ESRRB: variants seen among roughly 807,000 people sequenced by gnomAD.
The protein encoded by ESRRB is steroid hormone receptor ERR2.
In ESRRB, 16 loss-of-function variants were observed where a neutral mutation model predicts 46.0. That is an observed-to-expected ratio of 0.35 (90% CI 0.24 to 0.53). The LOEUF (loss-of-function observed/expected upper bound fraction) is 0.53. ESRRB is among the 20% of genes least tolerant of loss of function. The probability of loss-of-function intolerance (pLI) is 0.93; values close to 1 mark genes in which losing one functional copy is unlikely to be tolerated. For missense variants in ESRRB, 488 were observed against 607.4 expected (o/e 0.80, Z 2.07); for synonymous variants, 246 against 259.6 (o/e 0.95, Z 0.50).
chr14:76,471,236 T>C (rs2140009747), intron 3 of ESRRB, among the ~76,000 whole-genome samples: 1 of 152,352 alleles, frequency 6.6e-6, no homozygotes, highest in East Asian at 1.9e-4. Context: ...GTCATGACCC[T>C]GGTCCAAGGA....
chr14:76,426,540 A>G (rs937085216), intron 1 of ESRRB, among the ~76,000 whole-genome samples: 7 of 152,190 alleles, frequency 4.6e-5, no homozygotes, highest in African/African-American at 1.2e-4. Context: ...TGGAACCACT[A>G]ATTAAATTAA....
chr14:76,350,828 C>T (rs1884304752), intron 1 of ESRRB, among the ~76,000 whole-genome samples: 1 of 152,170 alleles, frequency 6.6e-6, no homozygotes, highest in Non-Finnish European at 1.5e-5. Context: ...GCAGCTTCTC[C>T]CTCTGCCCTG....
At chr14:76,377,175 C>T (rs758348192) in intron 1 of ESRRB, among the ~76,000 whole-genome samples, 32 of 152,336 alleles carry the variant, frequency 2.1e-4, no homozygotes, top group Non-Finnish European at 3.8e-4. Context: ...CTGGGGTTAT[C>T]CGAGCGGCGT....
At chr14:76,349,376 C>T (rs1029589287) in intron 1 of ESRRB, among the ~76,000 whole-genome samples, 5 of 152,186 alleles carry the variant, frequency 3.3e-5, no homozygotes, top group Admixed American at 6.5e-5. Context: ...ACATTCTGTA[C>T]GCAATATCCA....
In ESRRB at chr14:76,456,078, A is replaced by ACACACAC. The variant is rs1566908051; in HGVS notation, c.461-6467_461-6466insCACACAC. ...CACACACACACACACACACACACAC[A>ACACACAC]AAAGAAAGAAAAGAAAAGAATTGTC... On this transcript the variant is annotated intron_variant, in intron 2 of 6. Coordinates refer to ENST00000644823, the MANE Select transcript of ESRRB (RefSeq NM_001379180.1). Among the ~76,000 whole-genome samples, 7 of 141,634 alleles carry ACACACAC rather than the reference A, an allele frequency of 4.9e-5. No individual in the cohort carries two copies. The South Asian group carries it at 6.6e-4, about 13-fold the overall frequency. 92.9% of individuals were successfully genotyped at this position (141,634 alleles called of 152,430 possible). A position where few individuals can be genotyped will look rare whatever the true frequency, so the allele number is the denominator to read the frequency against.
chr14:76,352,990 C>G (rs1352449575), intron 1 of ESRRB, among the ~76,000 whole-genome samples: 1 of 152,222 alleles, frequency 6.6e-6, no homozygotes, highest in Non-Finnish European at 1.5e-5. Flanking sequence ...CTCCTGCGGG[C>G]CGCGCGCAGG....
chr14:76,338,501 G>A (rs1487370165), intron 1 of ESRRB, among the ~76,000 whole-genome samples: 2 of 152,196 alleles, frequency 1.3e-5, no homozygotes, highest in African/African-American at 4.8e-5. Context: ...TAGCCAGATG[G>A]TACATCTCAA....
Position 76,446,501 on chromosome 14 carries a change from G to C in ESRRB, c.460+6751G>C, listed in dbSNP as rs79276156. Among the ~76,000 whole-genome samples the C allele has an allele frequency of 6.1e-4, 93 of 151,814 alleles. 1 individual carries two copies. The East Asian group carries it at 0.017, about 27-fold the overall frequency. On this transcript the variant is annotated intron_variant, in intron 2 of 6. Coordinates refer to ENST00000644823, the MANE Select transcript of ESRRB (RefSeq NM_001379180.1). The stretch of plus-strand genomic sequence containing the variant: ...GAATGGCTCCAAGTCAGAAGAGATA[G>C]ACCTCAACCTGATTGCATTTACTCG...
rs931971941 is a variant in ESRRB at position 76,500,599 on chromosome 14, G to A, written c.*2141G>A. 37 of 1,288,856 alleles carry A rather than the reference G, an allele frequency of 2.9e-5. No individual in the cohort carries two copies. Among genetic ancestry groups the A allele is most frequent in the Admixed American group, 2.7e-4 (16 of 59,588 alleles). The allele number at this position is 1,288,856 out of a possible 1,614,324, so 79.8% of individuals were successfully genotyped here. A position where few individuals can be genotyped will look rare whatever the true frequency, so the allele number is the denominator to read the frequency against. On this transcript the variant is annotated 3_prime_UTR_variant, in exon 7 of 7. Transcript: ENST00000644823. ...TGTGCTGTGTCCTTGCAGCGGGGCC[G>A]AGGTAGCACCCTGCTCTGTCACTTC...
intron 2 of ESRRB, among the ~76,000 whole-genome samples, chr14:76,456,192 T>C (rs1888605931): frequency 6.6e-6 from 1 of 152,200 alleles, no homozygotes; most frequent in Non-Finnish European, 1.5e-5. Context: ...CTTTCTGAGG[T>C]TCTGCAGTGT....
intron 5 of ESRRB, among the ~76,000 whole-genome samples, chr14:76,488,374 G>C (rs1041420557): frequency 1.3e-5 from 2 of 152,076 alleles, no homozygotes; most frequent in African/African-American, 4.8e-5. Context: ...TTGGGAACAG[G>C]CCTCCCGGGT....
intron 3 of ESRRB, among the ~76,000 whole-genome samples, chr14:76,469,524 T>C (rs1316531135): frequency 1.3e-5 from 2 of 152,190 alleles, no homozygotes; most frequent in Non-Finnish European, 2.9e-5. Context: ...CAAAATTAAA[T>C]TTATTTTTTA....
chr14:76,358,419 A>G (rs1884424040), intron 1 of ESRRB, among the ~76,000 whole-genome samples: 1 of 146,508 alleles, frequency 6.8e-6, no homozygotes, highest in African/African-American at 2.5e-5. Context: ...AAGAAAAGAA[A>G]AGAAAAAGAA....
chr14:76,438,561 G>A (rs921633512), intron 1 of ESRRB, among the ~76,000 whole-genome samples: 1 of 152,018 alleles, frequency 6.6e-6, no homozygotes, highest in African/African-American at 2.4e-5. Context: ...CTACTTCGGA[G>A]GCTGAGGCAG....
intron 1 of ESRRB, among the ~76,000 whole-genome samples, chr14:76,432,899 T>C (rs1887517055): frequency 6.6e-6 from 1 of 152,094 alleles, no homozygotes; most frequent in Admixed American, 6.6e-5. Context: ...GGTCTTGAAC[T>C]CCTGGCCTCA....
intron 5 of ESRRB, among the ~76,000 whole-genome samples, chr14:76,483,273 T>C (rs1237036930): frequency 6.6e-6 from 1 of 152,198 alleles, no homozygotes; most frequent in African/African-American, 2.4e-5. Flanking sequence ...CTCTGTCAAA[T>C]GGGAATACAA....
chr14:76,372,884 T>A (rs1384987467), upstream of ESRRB, among the ~76,000 whole-genome samples: 1 of 152,202 alleles, frequency 6.6e-6, no homozygotes, highest in Non-Finnish European at 1.5e-5. Context: ...AGGAATTGAA[T>A]AAGTAGAAAT....
At chr14:76,377,910 A>G (rs1595061570) in intron 1 of ESRRB, among the ~76,000 whole-genome samples, 1 of 152,180 alleles carries the variant, frequency 6.6e-6, no homozygotes, top group East Asian at 1.9e-4. Flanking sequence ...TGCCACCAGA[A>G]TGTCGGCAGA....
intron 1 of ESRRB, among the ~76,000 whole-genome samples, chr14:76,354,117 T>C (rs1884346585): frequency 6.6e-6 from 1 of 151,650 alleles, no homozygotes; most frequent in African/African-American, 2.4e-5. Flanking sequence ...TTGCTTTGCA[T>C]CCACATACCC....
Sources: allele counts gnomAD v4.1 joint callset (sites outside exome capture counted in the v4.1 genomes callset), GRCh38; gene constraint gnomAD v4.1.1; transcripts MANE v1.5; gene names NCBI Gene and HGNC (gene_info 2026-07-23, HGNC 2026-07-21).